Variants in PELI2 observed in about 807,000 individuals in gnomAD.
PELI2 encodes pellino E3 ubiquitin protein ligase family member 2.
PELI2 carries 23 observed loss-of-function variants against 42.3 expected under a neutral mutation model. That is an observed-to-expected ratio of 0.54 (90% confidence interval 0.39 to 0.77). The LOEUF (loss-of-function observed/expected upper bound fraction) is 0.77. PELI2 is among the 30% of genes least tolerant of loss of function. The pLI is 0.00. For missense variants in PELI2, 463 were observed against 553.2 expected (o/e 0.84, Z 1.64); for synonymous variants, 245 against 212.2 (o/e 1.15, Z -1.34).
At chr14:56,161,406 C>G (rs760336255) in intron 1 of PELI2, among the ~76,000 whole-genome samples, 9 of 151,932 alleles carry the variant, frequency 5.9e-5, no homozygotes, top group Middle Eastern at 3.4e-3. Context: ...TCCCAAGTAG[C>G]TGGGACTACA....
intron 2 of PELI2, among the ~76,000 whole-genome samples, chr14:56,269,424 CAG>C (rs138894450): frequency 0.016 from 2,496 of 151,362 alleles, 65 homozygotes; most frequent in African/African-American, 0.057. Context: ...GCCAAGGTGA[CAG>C]AGTGAGACCC....
chr14:56,169,172 C>T (rs1286191878), intron 1 of PELI2, among the ~76,000 whole-genome samples: 1 of 152,158 alleles, frequency 6.6e-6, no homozygotes, highest in Admixed American at 6.5e-5. Context: ...CCAACACTCC[C>T]TGGGCTGTTC....
intron 2 of PELI2, among the ~76,000 whole-genome samples, chr14:56,274,271 A>G (rs926238444): frequency 1.3e-5 from 2 of 152,194 alleles, no homozygotes; most frequent in Admixed American, 6.5e-5. Flanking sequence ...CATACAGTTG[A>G]TAAAGGCTCA....
chr14:56,190,139 A>T (rs779634502), intron 2 of PELI2, among the ~76,000 whole-genome samples: 46 of 152,236 alleles, frequency 3.0e-4, no homozygotes, highest in Non-Finnish European at 6.0e-4. Flanking sequence ...TCTTCAAGTC[A>T]TTCTGTAGTA....
intron 2 of PELI2, among the ~76,000 whole-genome samples, chr14:56,224,775 T>C (rs1887279378): frequency 6.6e-6 from 1 of 152,210 alleles, no homozygotes; most frequent in South Asian, 2.1e-4. Flanking sequence ...AGGTAATCTT[T>C]TTTTCACTGG....
At chr14:56,203,059 T>C (rs1886390194) in intron 2 of PELI2, among the ~76,000 whole-genome samples, 1 of 152,214 alleles carries the variant, frequency 6.6e-6, no homozygotes, top group African/African-American at 2.4e-5. Context: ...TATGGAGTAA[T>C]TATTGCACAG....
intron 2 of PELI2, among the ~76,000 whole-genome samples, chr14:56,264,470 G>C (rs1888829772): frequency 6.6e-6 from 1 of 152,156 alleles, no homozygotes; most frequent in Non-Finnish European, 1.5e-5. Context: ...GGCCACACTA[G>C]AAAGTGCTAC....
At chr14:56,225,459 A>G (rs1887313173) in intron 2 of PELI2, among the ~76,000 whole-genome samples, 1 of 152,184 alleles carries the variant, frequency 6.6e-6, no homozygotes, top group Non-Finnish European at 1.5e-5. Flanking sequence ...TGAGGCTGGT[A>G]CCACACCAAG....
chr14:56,267,794 A>T (rs1021353939), intron 2 of PELI2, among the ~76,000 whole-genome samples: 1 of 152,180 alleles, frequency 6.6e-6, no homozygotes, highest in African/African-American at 2.4e-5. Context: ...TTTTGTTTAC[A>T]TCTTTTAAAT....
chr14:56,271,970 C>T (rs1026997417), intron 2 of PELI2, among the ~76,000 whole-genome samples: 1 of 152,168 alleles, frequency 6.6e-6, no homozygotes. Context: ...AAGAGCACCA[C>T]GTTCAGATAT....
chr14:56,215,560 C>G (rs903194208), intron 2 of PELI2, among the ~76,000 whole-genome samples: 1 of 152,126 alleles, frequency 6.6e-6, no homozygotes, highest in East Asian at 1.9e-4. Flanking sequence ...TGATTAGAAA[C>G]AAAATAACTT....
At chr14:56,151,087 A>G (rs1466159418) in intron 1 of PELI2, among the ~76,000 whole-genome samples, 1 of 152,226 alleles carries the variant, frequency 6.6e-6, no homozygotes, top group East Asian at 1.9e-4. Context: ...AATGAGATTG[A>G]AGTAGGTGCT....
intron 2 of PELI2, among the ~76,000 whole-genome samples, chr14:56,192,160 T>A (rs750748101): frequency 2.6e-5 from 4 of 152,176 alleles, no homozygotes; most frequent in Non-Finnish European, 4.4e-5. Flanking sequence ...TGGCCAAGAT[T>A]TTTATTTTTG....
chr14:56,142,105 G>C (rs1028334517), intron 1 of PELI2, among the ~76,000 whole-genome samples: 11 of 152,132 alleles, frequency 7.2e-5, no homozygotes, highest in East Asian at 5.8e-4. Flanking sequence ...CATAACTTCA[G>C]ATAGCGACAC....
intron 2 of PELI2, among the ~76,000 whole-genome samples, chr14:56,183,568 C>G (rs1445040114): frequency 6.6e-6 from 1 of 152,084 alleles, no homozygotes; most frequent in African/African-American, 2.4e-5. Context: ...GTTTATGGTC[C>G]TGATCGTTGC....
chr14:56,244,245 A>G (rs1164525148), intron 2 of PELI2, among the ~76,000 whole-genome samples: 1 of 152,260 alleles, frequency 6.6e-6, no homozygotes, highest in African/African-American at 2.4e-5. Flanking sequence ...TGGCAAACAT[A>G]TTCAAAAGGA....
intron 1 of PELI2, among the ~76,000 whole-genome samples, chr14:56,161,178 A>T (rs1429043206): frequency 6.6e-6 from 1 of 152,172 alleles, no homozygotes; most frequent in East Asian, 1.9e-4. Context: ...CCTCAAAGAC[A>T]TCAGAGTAGC....
intron 1 of PELI2, among the ~76,000 whole-genome samples, chr14:56,145,908 T>C (rs1452820086): frequency 6.6e-6 from 1 of 152,220 alleles, no homozygotes; most frequent in Non-Finnish European, 1.5e-5. Flanking sequence ...TGTAGAAACC[T>C]GTAACTAGGA....
At chr14:56,131,994 CT>C (rs1372824645) in intron 1 of PELI2, among the ~76,000 whole-genome samples, 1 of 152,074 alleles carries the variant, frequency 6.6e-6, no homozygotes, top group African/African-American at 2.4e-5. Context: ...TTCCCCCTCA[CT>C]GAATTTTCCT....
Sources: allele counts gnomAD v4.1 joint callset (sites outside exome capture counted in the v4.1 genomes callset), GRCh38; gene constraint gnomAD v4.1.1; transcripts MANE v1.5; gene names NCBI Gene and HGNC (gene_info 2026-07-23, HGNC 2026-07-21).